Variants in MYLK4 observed in about 807,000 individuals in gnomAD.
MYLK4 encodes the protein caMLCK like.
Under a neutral mutation model 48.1 loss-of-function variants are expected in MYLK4, and 46 were observed. The observed-to-expected ratio is 0.96, with a 90% CI of 0.75 to 1.22. MYLK4 has a LOEUF of 1.22. Among genes scored for constraint, MYLK4 ranks in the 50% most tolerant of loss-of-function variants. The pLI, the probability that MYLK4 is intolerant of heterozygous loss-of-function variation, is 0.00. For missense variants in MYLK4, 451 were observed against 486.1 expected, an observed-to-expected ratio of 0.93 and a Z score of 0.68; for synonymous variants, 170 against 180.8, an observed-to-expected ratio of 0.94 and a Z score of 0.48.
At chr6:2,712,966 A>G (rs1762727033) in intron 2 of MYLK4, among the ~76,000 whole-genome samples, 2 of 152,226 alleles carry the variant, frequency 1.3e-5, no homozygotes, top group African/African-American at 4.8e-5. Flanking sequence ...GAAGGCATTT[A>G]ACATCTCAAA....
chr6:2,690,351 C>T (rs1761730020), intron 3 of MYLK4, among the ~76,000 whole-genome samples: 1 of 152,282 alleles, frequency 6.6e-6, no homozygotes, highest in African/African-American at 2.4e-5. Context: ...GCTGCCCGGG[C>T]ACTCTGTCTG....
intron 2 of MYLK4, among the ~76,000 whole-genome samples, chr6:2,694,518 G>A (rs756946275): frequency 0.032 from 37 of 1,160 alleles, 1 homozygote; most frequent in Admixed American, 0.062. Flanking sequence ...GGTGGCGGTG[G>A]TGGTGGTGGT....
At chr6:2,769,031 C>T in the MYLK4 span, 6 of 716,716 alleles carry the variant, frequency 8.4e-6, no homozygotes, top group Non-Finnish European at 1.1e-5. Flanking sequence ...CCTATTTCTC[C>T]ATACATTTCT....
Position 2,672,948 on chromosome 6 carries a change from A to T in MYLK4, c.1120-1600T>A, listed in dbSNP as rs1418987160. Among the ~76,000 whole-genome samples the T allele has an allele frequency of 2.0e-5, 3 of 152,180 alleles. No homozygotes were observed. Among genetic ancestry groups the T allele is most frequent in the African/African-American group, 7.2e-5 (3 of 41,428 alleles). On this transcript the variant is annotated intron_variant, in intron 11 of 12. Transcript: ENST00000274643. This position sits in a 1 kb window ranked among gnomAD's most constrained non-coding sequence, Gnocchi z 4.3. ...AAGCAGTTAGAAGAGTACCTCCACA[A>T]TACTGTATAATTATAGCTGTAATAA... is the stretch of plus-strand genomic sequence containing the variant.
the MYLK4 span, chr6:2,765,616 G>GGCC: frequency 2.6e-6 from 4 of 1,514,596 alleles, no homozygotes; most frequent in Non-Finnish European, 3.5e-6. Context: ...GGAGGGCGGC[G>GGCC]GCCGCCATGG....
intron 8 of MYLK4, among the ~76,000 whole-genome samples, chr6:2,679,795 C>T (rs1389027456): frequency 1.3e-5 from 2 of 152,140 alleles, no homozygotes; most frequent in Non-Finnish European, 2.9e-5. Flanking sequence ...TTATATGTGT[C>T]GTTAATGTGC....
chr6:2,768,565 C>T, the MYLK4 span: 2 of 653,108 alleles, frequency 3.1e-6, no homozygotes, highest in East Asian at 2.9e-5. Flanking sequence ...TTCTGTGCTG[C>T]TCAGCATTCT....
intron 3 of MYLK4, 107 bp downstream of exon 3, chr6:2,692,677 C>T (rs1761853655): frequency 7.8e-6 from 4 of 511,424 alleles, no homozygotes; most frequent in South Asian, 5.4e-5. Flanking sequence ...AACATCACTT[C>T]TTCCTGCACA....
intron 4 of MYLK4, among the ~76,000 whole-genome samples, chr6:2,687,210 A>G (rs1761593133): frequency 6.6e-6 from 1 of 152,204 alleles, no homozygotes; most frequent in Non-Finnish European, 1.5e-5. Flanking sequence ...CCAAAAGTAA[A>G]AGATAAGTTG....
At chr6:2,720,349 A>G (rs1763025263) in intron 2 of MYLK4, among the ~76,000 whole-genome samples, 1 of 152,110 alleles carries the variant, frequency 6.6e-6, no homozygotes, top group South Asian at 2.1e-4. Flanking sequence ...GGTTGCAGTG[A>G]GCCGAGATCG....
chr6:2,762,728 A>AAC, the MYLK4 span, among the ~76,000 whole-genome samples: 1 of 152,188 alleles, frequency 6.6e-6, no homozygotes, highest in African/African-American at 2.4e-5. Flanking sequence ...ACAGTTCTTA[A>AAC]ACACAGTGCA....
chr6:2,749,142 A>G lies in MYLK4; in HGVS notation c.153T>C (p.His51=), dbSNP rs971200295. The G allele has an allele frequency of 1.2e-6, 2 of 1,613,430 alleles. No individual in the cohort carries two copies. The highest frequency in any genetic ancestry group is 1.7e-6 in the Non-Finnish European group (2 of 1,179,746). Residue 51 remains histidine, a synonymous_variant, in exon 2 of 13, where the codon CAT becomes CAC. Transcript: ENST00000274643. ...NSGDQDSRSG[H]NEAKEVWSNA... ...TAAATTAGAACATGATTACCTCATT[A>G]TGTCCAGATCTTGAATCCTGGTCCC...
the MYLK4 span, among the ~76,000 whole-genome samples, chr6:2,763,534 T>C: frequency 1.3e-5 from 2 of 152,232 alleles, no homozygotes; most frequent in African/African-American, 2.4e-5. Context: ...CTCACCGTCC[T>C]GGGCCGGTGG....
At chr6:2,753,049 C>T (rs374012787), upstream of MYLK4, among the ~76,000 whole-genome samples, 10 of 152,168 alleles carry the variant, frequency 6.6e-5, no homozygotes, top group South Asian at 2.1e-4. Flanking sequence ...CTCTTATACC[C>T]GGAAAAATTC....
At chr6:2,768,710 T>C in the MYLK4 span, 1 of 1,611,798 alleles carries the variant, frequency 6.2e-7, no homozygotes. Context: ...GCTCACATCA[T>C]AGCCAGCAAC....
At chr6:2,765,992 C>T in the MYLK4 span, 28 of 1,383,664 alleles carry the variant, frequency 2.0e-5, no homozygotes, top group East Asian at 3.1e-5. Context: ...CCGCCTTATC[C>T]CCGACTTCCC....
At chr6:2,768,863 G>A in the MYLK4 span, 1 of 1,610,580 alleles carries the variant, frequency 6.2e-7, no homozygotes, top group Non-Finnish European at 8.5e-7. Context: ...GAGATTCATC[G>A]GTTCAATAAA....
At chr6:2,688,012 C>G (rs950430750) in intron 4 of MYLK4, among the ~76,000 whole-genome samples, 1 of 152,174 alleles carries the variant, frequency 6.6e-6, no homozygotes, top group East Asian at 1.9e-4. Flanking sequence ...CAGCAGGAAG[C>G]GGGTCCCTGA....
intron 7 of MYLK4, among the ~76,000 whole-genome samples, chr6:2,681,254 G>A (rs148367412): frequency 9.2e-5 from 14 of 152,296 alleles, no homozygotes; most frequent in African/African-American, 3.4e-4. Flanking sequence ...GTGGAGAAGA[G>A]GTTCCAATGA....
Sources: allele counts gnomAD v4.1 joint callset (sites outside exome capture counted in the v4.1 genomes callset), GRCh38; gene constraint gnomAD v4.1.1; non-coding constraint Gnocchi (gnomAD v3.1); transcripts MANE v1.5; gene names NCBI Gene and HGNC (gene_info 2026-07-23, HGNC 2026-07-21).